ASXL2: variants seen among roughly 807,000 people sequenced by gnomAD.
ASXL2 encodes the protein putative Polycomb group protein ASXL2.
A neutral mutation model predicts 122.0 loss-of-function variants in ASXL2; 23 were observed. The observed-to-expected ratio is 0.19, with a 90% CI of 0.14 to 0.27. The LOEUF (loss-of-function observed/expected upper bound fraction) is 0.27. ASXL2 is among the 10% of genes least tolerant of loss of function. The probability of loss-of-function intolerance (pLI) is 1.00; values close to 1 mark genes in which losing one functional copy is unlikely to be tolerated. For missense variants in ASXL2, 1,518 were observed against 1,713.8 expected (o/e 0.89, Z 2.02); for synonymous variants, 650 against 637.0 (o/e 1.02, Z -0.31).
rs575430551 is a variant in ASXL2 at position 25,802,133 on chromosome 2, C to T, written c.253-2598G>A. ...AGCTATTCCTATGTCCTGGAAGGCC[C>T]TTCTTCTTACTACTTATCTGACAAA... On this transcript the variant is annotated intron_variant, in intron 4 of 12. Coordinates refer to ENST00000435504, the MANE Select transcript of ASXL2 (RefSeq NM_018263.6). Among the ~76,000 whole-genome samples, 371 of 152,290 alleles carry T rather than the reference C, an allele frequency of 2.4e-3. 5 individuals carry two copies. The highest frequency in any genetic ancestry group is 1.5e-3 in the Non-Finnish European group (100 of 68,012).
chr2:25,796,884 CAT>C (rs937361333), intron 5 of ASXL2, among the ~76,000 whole-genome samples: 3 of 152,130 alleles, frequency 2.0e-5, no homozygotes, highest in African/African-American at 2.4e-5. Flanking sequence ...TAGAACTCCA[CAT>C]GTCAAAAAGA....
chr2:25,827,720 G>GTTT (rs2089394622), intron 3 of ASXL2, among the ~76,000 whole-genome samples: 1 of 152,092 alleles, frequency 6.6e-6, no homozygotes, highest in Admixed American at 6.6e-5. Flanking sequence ...AGACATAAGG[G>GTTT]AAAGGGTGTG....
chr2:25,873,700 C>T (rs2089984030), intron 1 of ASXL2, among the ~76,000 whole-genome samples: 1 of 151,038 alleles, frequency 6.6e-6, no homozygotes, highest in Non-Finnish European at 1.5e-5. Flanking sequence ...CAAAGATCTA[C>T]ACTACAGGTT....
chr2:25,789,153 T>A (rs1030481781), intron 5 of ASXL2, among the ~76,000 whole-genome samples: 3 of 152,068 alleles, frequency 2.0e-5, no homozygotes, highest in South Asian at 2.1e-4. Flanking sequence ...ACTGACTTTT[T>A]AAAAAATATA....
At position 25,744,183 on chromosome 2, in the gene ASXL2, G is replaced by T. The variant is rs760987708; in HGVS notation, c.2154C>A (p.Asp718Glu). 1.9e-6 allele frequency: 3 copies of T among 1,613,828 alleles called. No individual in the cohort carries two copies. The African/African-American group carries it at 4.0e-5, about 22-fold the overall frequency. ...QTARGGSPGS[D>E]RVSETGKGPT... ...GGCCCTTTCCAGTTTCACTGACTCT[G>T]TCTGAGCCTGGACTGCCTCCTCTAG... Residue 718 changes from aspartate to glutamate, a missense_variant, in exon 13 of 13, where the codon GAC becomes GAA. Physicochemically the swap from Asp to Glu is conservative, Grantham distance 45. Coordinates refer to ENST00000435504, the MANE Select transcript of ASXL2 (RefSeq NM_018263.6). This position sits in a 1 kb window ranked among gnomAD's most constrained non-coding sequence, Gnocchi z 4.7.
chr2:25,840,532 C>A (rs1574442569), intron 2 of ASXL2, among the ~76,000 whole-genome samples: 1 of 152,166 alleles, frequency 6.6e-6, no homozygotes, highest in South Asian at 2.1e-4. Flanking sequence ...TCACTATTCC[C>A]CACTACTCCA....
chr2:25,874,058 T>C (rs903228098), intron 1 of ASXL2, among the ~76,000 whole-genome samples: 3 of 152,226 alleles, frequency 2.0e-5, no homozygotes, highest in Non-Finnish European at 4.4e-5. Flanking sequence ...CTAAAGTCAA[T>C]GCAGGCAGGG....
Position 25,750,250 on chromosome 2 carries a change from A to T in ASXL2, c.1306T>A (p.Leu436Met). The T allele has an allele frequency of 6.2e-7, 1 of 1,613,944 alleles. No individual in the cohort carries two copies. The highest frequency in any genetic ancestry group is 8.5e-7 in the Non-Finnish European group (1 of 1,179,892). ...TTTCTGCCTGGTGATGACATTTGCAATGCTTCTTCTTTACACTCTGACTGG... is the reference window on the plus strand; with the variant it reads ...TTTCTGCCTGGTGATGACATTTGCATTGCTTCTTCTTTACACTCTGACTGG... ...VSQSECKEEA[L>M]QMSSPGRKEE... Residue 436 changes from leucine (L) to methionine (M), a missense_variant, in exon 12 of 13, where the codon TTG becomes ATG. Leu to Met is a conservative substitution (Grantham distance 15). Coordinates refer to ENST00000435504, the MANE Select transcript of ASXL2 (RefSeq NM_018263.6).
At chr2:25,791,577 T>C (rs942800665) in intron 5 of ASXL2, among the ~76,000 whole-genome samples, 66 of 152,082 alleles carry the variant, frequency 4.3e-4, no homozygotes, top group Non-Finnish European at 8.5e-4. Context: ...CAAATTTCTT[T>C]CCCTCCACAA....
chr2:25,746,506 GAA>G (rs11312322), intron 12 of ASXL2, among the ~76,000 whole-genome samples: 6,811 of 136,024 alleles, frequency 0.05, 242 homozygotes, highest in African/African-American at 0.1. Flanking sequence ...GGGAAAAAAT[GAA>G]AAAAAAAAAA....
At chr2:25,862,574 A>G (rs1017685744) in intron 1 of ASXL2, among the ~76,000 whole-genome samples, 9 of 152,162 alleles carry the variant, frequency 5.9e-5, no homozygotes, top group Non-Finnish European at 2.9e-5. Flanking sequence ...ACAGGTGTTA[A>G]GGATAAAGAA....
Position 25,740,611 on chromosome 2 carries a change from A to G in ASXL2, c.*1418T>C, listed in dbSNP as rs1005287985. 6 of 229,042 alleles carry G rather than the reference A, an allele frequency of 2.6e-5. No individual in the cohort carries two copies. Among genetic ancestry groups the G allele is most frequent in the Non-Finnish European group, 3.5e-5 (4 of 115,564 alleles). 14.2% of individuals were successfully genotyped at this position (229,042 alleles called of 1,614,324 possible). A position where few individuals can be genotyped will look rare whatever the true frequency, so the allele number is the denominator to read the frequency against. On this transcript the variant is annotated 3_prime_UTR_variant, in exon 13 of 13. Coordinates refer to ENST00000435504, the MANE Select transcript of ASXL2 (RefSeq NM_018263.6). ...TGTACTCACAATTTCTTCAGTCACT[A>G]GAGAAGGATTTAAAAACAAAAAAGG... is the stretch of plus-strand genomic sequence containing the variant.
chr2:25,878,309 G>T lies in ASXL2; in HGVS notation c.-87C>A. The T allele has an allele frequency of 6.9e-7, 1 of 1,447,396 alleles. No homozygotes were observed. The highest frequency in any genetic ancestry group is 9.6e-7 in the Non-Finnish European group (1 of 1,041,840). The allele number at this position is 1,447,396 out of a possible 1,614,324, so 89.7% of individuals were successfully genotyped here. A position where few individuals can be genotyped will look rare whatever the true frequency, so the allele number is the denominator to read the frequency against. On this transcript the variant is annotated 5_prime_UTR_variant, in exon 1 of 13. Transcript: ENST00000435504. ...CTCTGCCCTGCGCTGCTTTTCCCGCGGTGCCGGGAAAGGTGGGAGAAAAGG... is the reference window on the plus strand; with the variant it reads ...CTCTGCCCTGCGCTGCTTTTCCCGCTGTGCCGGGAAAGGTGGGAGAAAAGG...
rs773618990 is a variant in ASXL2 at position 25,742,846 on chromosome 2, G to A, written c.3491C>T (p.Thr1164Ile). The change falls in exon 13 of 13, where the codon ACA becomes ATA. Residue 1164 changes from threonine (T) to isoleucine (I), a missense_variant. By Grantham distance (89) the Thr-to-Ile change is moderately conservative. This residue lies in a region of ASXL2 where 831 missense variants were observed against 833.1 expected (regional missense o/e 1.00). Transcript: ENST00000435504. ...SPTEALKMGY[T>I]DCKNATGESS... ...CTCTCCTGTTGCATTTTTACAGTCT[G>A]TATATCCCATTTTCAAGGCTTCAGT... 5.0e-6 allele frequency: 8 copies of A among 1,613,984 alleles called. No homozygotes were observed. The highest frequency in any genetic ancestry group is 6.8e-6 in the Non-Finnish European group (8 of 1,179,898).
At chr2:25,795,644 C>G (rs1411644372) in intron 5 of ASXL2, among the ~76,000 whole-genome samples, 2 of 152,156 alleles carry the variant, frequency 1.3e-5, no homozygotes, top group Non-Finnish European at 2.9e-5. Context: ...CCAATCCCAT[C>G]CAGAAAACAT....
At position 25,742,578 on chromosome 2, in the gene ASXL2, G is replaced by A. The variant is rs1194926818; in HGVS notation, c.3759C>T (p.Gly1253=). The change falls in exon 13 of 13, where the codon GGC becomes GGT. Residue 1253 remains glycine, a synonymous_variant. Coordinates refer to ENST00000435504, the MANE Select transcript of ASXL2 (RefSeq NM_018263.6). ...LSKENYLFTR[G]QTFDEKTLAR... ...CTAGGGTCTTTTCATCAAATGTTTGGCCTCTAGTGAACAGGTAATTCTCCT... is the reference window on the plus strand; with the variant it reads ...CTAGGGTCTTTTCATCAAATGTTTGACCTCTAGTGAACAGGTAATTCTCCT... 1 of 1,613,952 alleles carries A rather than the reference G, an allele frequency of 6.2e-7. No homozygotes were observed. The highest frequency in any genetic ancestry group is 1.1e-5 in the South Asian group (1 of 91,078).
At chr2:25,811,101 A>AC (rs1553701387) in intron 3 of ASXL2, among the ~76,000 whole-genome samples, 2 of 67,352 alleles carry the variant, frequency 3.0e-5, no homozygotes, top group African/African-American at 8.8e-5. Flanking sequence ...CACACACACA[A>AC]AATCAGCCAT....
chr2:25,839,370 C>A (rs2149190182), intron 2 of ASXL2, among the ~76,000 whole-genome samples: 1 of 152,252 alleles, frequency 6.6e-6, no homozygotes, highest in East Asian at 1.9e-4. Flanking sequence ...TTACAAATGA[C>A]CAGATATCAC....
At position 25,806,266 on chromosome 2, in the gene ASXL2, T is replaced by C. The variant is rs1559516611; in HGVS notation, c.215A>G (p.Tyr72Cys). ...TACTCCCATTCTACCTGGAACCTTATAGAAGATGCCCTCTTCACCTCTGGA... is the reference window on the plus strand; with the variant it reads ...TACTCCCATTCTACCTGGAACCTTACAGAAGATGCCCTCTTCACCTCTGGA... Reference protein sequence around the residue: ...TNSRGEEGIFYKVPGRMGVYT... With the variant: ...TNSRGEEGIFCKVPGRMGVYT... The change falls in exon 4 of 13, where the codon TAT becomes TGT. Residue 72 changes from tyrosine (Y) to cysteine (C), a missense_variant. Tyr to Cys is a radical substitution (Grantham distance 194). Transcript: ENST00000435504. The C allele has an allele frequency of 1.2e-6, 2 of 1,613,460 alleles. No individual in the cohort carries two copies. The highest frequency in any genetic ancestry group is 1.3e-5 in the African/African-American group (1 of 75,038).
Sources: allele counts gnomAD v4.1 joint callset (sites outside exome capture counted in the v4.1 genomes callset), GRCh38; gene constraint gnomAD v4.1.1; regional missense constraint gnomAD v4.1.1; non-coding constraint Gnocchi (gnomAD v3.1); transcripts MANE v1.5; gene names NCBI Gene and HGNC (gene_info 2026-07-23, HGNC 2026-07-21).